Variants in DOCK9 observed in about 807,000 individuals in gnomAD.
The protein encoded by DOCK9 is dedicator of cytokinesis 9.
In DOCK9, 89 loss-of-function variants were observed where a neutral mutation model predicts 263.3. The observed-to-expected ratio is 0.34, with a 90% CI of 0.28 to 0.40. The LOEUF is 0.40. Ranked by LOEUF, DOCK9 falls within the 10% of genes least tolerant of loss-of-function variation. The probability of loss-of-function intolerance (pLI) is 1.00; values close to 1 mark genes in which losing one functional copy is unlikely to be tolerated. For missense variants in DOCK9, 2,140 were observed against 2,603.4 expected, an observed-to-expected ratio of 0.82 and a Z score of 3.87; for synonymous variants, 976 against 973.1, an observed-to-expected ratio of 1.00 and a Z score of -0.06.
intron 39 of DOCK9, 49 bp from the exon 40 acceptor site, chr13:98,831,835 T>C (rs1278892515): frequency 2.5e-6 from 4 of 1,587,612 alleles, no homozygotes; most frequent in South Asian, 1.1e-5. Context: ...TCACCTCTAG[T>C]AGGTTTCACA....
At chr13:99,070,085 C>T (rs1391346195) in intron 1 of DOCK9, among the ~76,000 whole-genome samples, 4 of 152,208 alleles carry the variant, frequency 2.6e-5, no homozygotes, top group African/African-American at 9.7e-5. Context: ...GGGCATCCCG[C>T]CTCTATGAGC....
At chr13:98,974,748 C>CAA (rs57196019) in intron 1 of DOCK9, among the ~76,000 whole-genome samples, 7,701 of 33,112 alleles carry the variant, frequency 0.23, 1,722 homozygotes, top group African/African-American at 0.33. Flanking sequence ...AACTCTGTCT[C>CAA]AAAAAAAAAA....
intron 3 of DOCK9, among the ~76,000 whole-genome samples, chr13:98,927,451 A>G (rs2053155757): frequency 6.6e-6 from 1 of 152,148 alleles, no homozygotes; most frequent in Non-Finnish European, 1.5e-5. Flanking sequence ...TCAAAGAGCT[A>G]CAGCGGTTTT....
chr13:99,009,578 G>A (rs975479958), intron 1 of DOCK9, among the ~76,000 whole-genome samples: 3 of 152,004 alleles, frequency 2.0e-5, no homozygotes, highest in Non-Finnish European at 2.9e-5. Flanking sequence ...TTCCCTGCCT[G>A]CCTCCAGCTA....
chr13:98,953,505 A>G (rs979122533), intron 2 of DOCK9, among the ~76,000 whole-genome samples: 1 of 152,236 alleles, frequency 6.6e-6, no homozygotes, highest in Non-Finnish European at 1.5e-5. Flanking sequence ...TTGTTTCTTA[A>G]GCAATTTTAT....
intron 34 of DOCK9, chr13:98,854,644 C>G (rs1424384193): frequency 6.6e-6 from 1 of 152,152 alleles, no homozygotes; most frequent in African/African-American, 2.4e-5. Context: ...GAAAAATCCA[C>G]AGTGACCCGG....
chr13:98,854,389 T>A (rs1250543586), intron 34 of DOCK9: 1 of 151,588 alleles, frequency 6.6e-6, no homozygotes, highest in African/African-American at 2.4e-5. Context: ...GGTGGCCAAT[T>A]GAAAAAAAAA....
intron 1 of DOCK9, among the ~76,000 whole-genome samples, chr13:99,009,399 C>T (rs977843086): frequency 1.3e-5 from 2 of 152,154 alleles, no homozygotes; most frequent in African/African-American, 2.4e-5. Flanking sequence ...AAACAGCCTA[C>T]CCAAACCATG....
At chr13:98,883,257 G>GT (rs1057256727) in intron 22 of DOCK9, 126 bp from the exon 23 acceptor site, 214 of 887,726 alleles carry the variant, frequency 2.4e-4, no homozygotes, top group African/African-American at 4.9e-4. Flanking sequence ...TGTTGTTGCT[G>GT]TTTTTTTTGA....
At chr13:99,042,561 T>C (rs1009654758) in intron 1 of DOCK9, among the ~76,000 whole-genome samples, 8 of 152,182 alleles carry the variant, frequency 5.3e-5, no homozygotes, top group African/African-American at 1.9e-4. Context: ...AGGACATGGA[T>C]TGGAGGTGCC....
intron 1 of DOCK9, among the ~76,000 whole-genome samples, chr13:99,039,171 C>T (rs182582108): frequency 1.4e-3 from 212 of 152,200 alleles, no homozygotes; most frequent in African/African-American, 4.9e-3. Flanking sequence ...GGTAATAGGT[C>T]CAGCAAATAA....
intron 45 of DOCK9, among the ~76,000 whole-genome samples, chr13:98,817,023 C>G (rs1216539326): frequency 2.0e-5 from 3 of 152,082 alleles, no homozygotes; most frequent in Non-Finnish European, 4.4e-5. Context: ...CATCAACCAC[C>G]ATAACAGACA....
intron 32 of DOCK9, among the ~76,000 whole-genome samples, chr13:98,862,594 C>A (rs1235678729): frequency 2.0e-5 from 3 of 151,830 alleles, no homozygotes; most frequent in African/African-American, 4.8e-5. Flanking sequence ...GAGGCTCAGG[C>A]AGGAGAATTG....
intron 36 of DOCK9, among the ~76,000 whole-genome samples, chr13:98,849,062 T>C (rs1025913852): frequency 6.6e-6 from 1 of 152,160 alleles, no homozygotes; most frequent in African/African-American, 2.4e-5. Flanking sequence ...CTCAAATATA[T>C]GGATTATACA....
At chr13:98,809,220 A>G (rs2091040053) in intron 47 of DOCK9, 132 bp downstream of exon 47, 9 of 1,218,050 alleles carry the variant, frequency 7.4e-6, no homozygotes, top group Non-Finnish European at 1.0e-5. Context: ...AATATGACAA[A>G]TTCATCAAAT....
chr13:98,927,625 A>ATT lies in DOCK9; in HGVS notation c.334-1708_334-1707dup, dbSNP rs537465947. Among the ~76,000 whole-genome samples, 585 of 82,612 alleles carry ATT rather than the reference A, an allele frequency of 7.1e-3. 4 individuals are homozygous for ATT. Among genetic ancestry groups the ATT allele is most frequent in the African/African-American group, 0.02 (547 of 27,234 alleles). The allele number at this position is 82,612 out of a possible 152,430, so 54.2% of individuals were successfully genotyped here. ...ATGGAGCCCAGATTTTTATTTATTTATTTATTTTTTTTTAAGACGGAATCT... is the reference window on the plus strand; with the variant it reads ...ATGGAGCCCAGATTTTTATTTATTTATTTTTATTTTTTTTTAAGACGGAATCT... On this transcript the variant is annotated intron_variant, in intron 3 of 52. Transcript: ENST00000682017.
At chr13:98,989,484 C>T (rs1054152723) in intron 1 of DOCK9, among the ~76,000 whole-genome samples, 12 of 152,212 alleles carry the variant, frequency 7.9e-5, no homozygotes, top group South Asian at 2.1e-4. Flanking sequence ...ACCTATGCTG[C>T]AGGCTTTTAC....
chr13:98,955,414 T>C (rs377354143), intron 2 of DOCK9, 21 bp downstream of exon 2: 1 of 1,510,886 alleles, frequency 6.6e-7, no homozygotes, highest in African/African-American at 1.4e-5. Flanking sequence ...GTTCTACGGA[T>C]AGAAACATAA....
At chr13:98,876,394 A>G (rs1337756573) in intron 27 of DOCK9, among the ~76,000 whole-genome samples, 1 of 152,196 alleles carries the variant, frequency 6.6e-6, no homozygotes, top group Non-Finnish European at 1.5e-5. Context: ...GGGAGGCTAA[A>G]GCAGGAGAAT....
Sources: allele counts gnomAD v4.1 joint callset (sites outside exome capture counted in the v4.1 genomes callset), GRCh38; gene constraint gnomAD v4.1.1; transcripts MANE v1.5; gene names NCBI Gene and HGNC (gene_info 2026-07-23, HGNC 2026-07-21).